Variants in SEMA7A observed in about 807,000 individuals in gnomAD.
SEMA7A encodes semaphorin 7A (JohnMiltonHagen blood group).
Under a neutral mutation model 67.5 loss-of-function variants are expected in SEMA7A, and 21 were observed. The ratio of observed to expected loss-of-function variants is 0.31; its 90% CI spans 0.22 to 0.45. The LOEUF (loss-of-function observed/expected upper bound fraction) is 0.45, where lower values mean the gene tolerates loss of function less well. Among genes scored for constraint, SEMA7A ranks in the 20% least tolerant of loss-of-function variants. The pLI is 1.00. For missense variants in SEMA7A, 774 were observed against 908.6 expected, an observed-to-expected ratio of 0.85 and a Z score of 1.90; for synonymous variants, 364 against 368.5, an observed-to-expected ratio of 0.99 and a Z score of 0.14.
In SEMA7A at chr15:74,410,515, C is replaced by T. The variant is rs2060889656; in HGVS notation, c.*109G>A. ...CATCCTCCACTGGGTTATTCTGTCC[C>T]CTGGAAGAAGTGGCAGGCAAGGAGC... On this transcript the variant is annotated 3_prime_UTR_variant, in exon 14 of 14. Coordinates refer to ENST00000261918, the MANE Select transcript of SEMA7A (RefSeq NM_003612.5). The surrounding 1 kb of genome is among the most constrained non-coding windows in gnomAD (Gnocchi z 7.5). 2 of 1,456,144 alleles carry T rather than the reference C, an allele frequency of 1.4e-6. No individual in the cohort carries two copies. Among genetic ancestry groups the T allele is most frequent in the Non-Finnish European group, 1.8e-6 (2 of 1,082,044 alleles). 90.2% of individuals were successfully genotyped at this position (1,456,144 alleles called of 1,614,324 possible). A position where few individuals can be genotyped will look rare whatever the true frequency, so the allele number is the denominator to read the frequency against.
intron 1 of SEMA7A, 123 bp from the exon 2 acceptor site, chr15:74,419,075 C>G: frequency 8.7e-7 from 1 of 1,145,850 alleles, no homozygotes; most frequent in Non-Finnish European, 1.2e-6. Context: ...GGGCGTCAGA[C>G]AAGCTCTGGG....
rs28362915 is a variant in SEMA7A at position 74,417,784 on chromosome 15, T to C, written c.465+93A>G. On this transcript the variant is annotated intron_variant, in intron 4 of 13. Coordinates refer to ENST00000261918, the MANE Select transcript of SEMA7A (RefSeq NM_003612.5). ...CCATCCTCCCAGGGCAAGGCCAGCA[T>C]TGGAGTCTCGCCATCTCCTTCCCAC... The C allele has an allele frequency of 5.8e-3, 9,043 of 1,548,842 alleles. 426 individuals carry two copies. The African/African-American group carries it at 0.11, about 18-fold the overall frequency.
chr15:74,432,852 C>A (rs531876574), intron 1 of SEMA7A, among the ~76,000 whole-genome samples: 2 of 152,146 alleles, frequency 1.3e-5, no homozygotes, highest in African/African-American at 2.4e-5. Context: ...CAGTTCCTCG[C>A]GGCAGAAAGC....
At chr15:74,421,056 G>C (rs1390731242) in intron 1 of SEMA7A, among the ~76,000 whole-genome samples, 1 of 152,244 alleles carries the variant, frequency 6.6e-6, no homozygotes, top group East Asian at 1.9e-4. Flanking sequence ...AGGGAAAAGA[G>C]GCACCAGACA....
Position 74,433,805 on chromosome 15 carries a change from C to A in SEMA7A, c.114G>T (p.Trp38Cys), listed in dbSNP as rs1407896638. Residue 38 changes from tryptophan to cysteine, a missense_variant, in exon 1 of 14, where the codon TGG becomes TGT. Physicochemically the swap from Trp to Cys is radical, Grantham distance 215. Coordinates refer to ENST00000261918, the MANE Select transcript of SEMA7A (RefSeq NM_003612.5). Reference protein sequence around the residue: ...PLRLRLLLLLWAAAASAQGHL... With the variant: ...PLRLRLLLLLCAAAASAQGHL... ...GGCCCTGGGCGGAGGCGGCGGCCGC[C>A]CAGAGCAGCAGCAGCAGCCGCAGCC... 1.4e-6 allele frequency: 2 copies of A among 1,419,058 alleles called. No homozygotes were observed. The highest frequency in any genetic ancestry group is 6.1e-5 in the East Asian group (2 of 32,664). The allele number at this position is 1,419,058 out of a possible 1,614,324, so 87.9% of individuals were successfully genotyped here. A position where few individuals can be genotyped will look rare whatever the true frequency, so the allele number is the denominator to read the frequency against.
At chr15:74,416,770 T>A (rs1042249283) in intron 6 of SEMA7A, 56 bp from the exon 7 acceptor site, 2 of 1,587,060 alleles carry the variant, frequency 1.3e-6, no homozygotes, top group African/African-American at 2.7e-5. Context: ...CGGGAGACCA[T>A]CCCAACCCTG....
chr15:74,418,083 G>A (rs1303090595), intron 3 of SEMA7A, 114 bp from the exon 4 acceptor site: 16 of 1,295,742 alleles, frequency 1.2e-5, no homozygotes, highest in Non-Finnish European at 1.7e-5. Flanking sequence ...CTTAGCATAG[G>A]TGACAGCCTC....
intron 1 of SEMA7A, among the ~76,000 whole-genome samples, chr15:74,430,209 C>T (rs1384267875): frequency 6.6e-6 from 1 of 152,106 alleles, no homozygotes; most frequent in African/African-American, 2.4e-5. Flanking sequence ...TGATCCTCAG[C>T]CTTTGGCCCA....
rs1029745130 is a variant in SEMA7A at position 74,433,879 on chromosome 15, G to T, written c.40C>A (p.Pro14Thr). ...PPPGRAAPSA[P>T]RARVPGPPAR... Reference sequence around the variant, plus strand: ...GGCGGGCCAGGGACGCGGGCGCGCGGTGCGCTGGGGGCGGCACGTCCGGGC... The same window carrying T: ...GGCGGGCCAGGGACGCGGGCGCGCGTTGCGCTGGGGGCGGCACGTCCGGGC... The change falls in exon 1 of 14, where the codon CCG becomes ACG. Residue 14 changes from proline (P) to threonine (T), a missense_variant. Pro to Thr is a conservative substitution (Grantham distance 38). Coordinates refer to ENST00000261918, the MANE Select transcript of SEMA7A (RefSeq NM_003612.5). The T allele has an allele frequency of 1.6e-6, 2 of 1,272,780 alleles. No homozygotes were observed. Among genetic ancestry groups the T allele is most frequent in the Non-Finnish European group, 2.0e-6 (2 of 1,015,038 alleles). 78.8% of individuals were successfully genotyped at this position (1,272,780 alleles called of 1,614,324 possible). A position where few individuals can be genotyped will look rare whatever the true frequency, so the allele number is the denominator to read the frequency against.
chr15:74,413,184 G>A (rs1386262835), intron 10 of SEMA7A, among the ~76,000 whole-genome samples: 1 of 151,764 alleles, frequency 6.6e-6, no homozygotes, highest in African/African-American at 2.4e-5. Flanking sequence ...CCCCACCCCA[G>A]CCACTGCCTT....
In SEMA7A at chr15:74,415,848, G is replaced by A. The variant is rs773510499; in HGVS notation, c.939C>T (p.Ser313=). The A allele has an allele frequency of 6.8e-6, 11 of 1,613,910 alleles. No individual in the cohort carries two copies. The highest frequency in any genetic ancestry group is 3.3e-5 in the South Asian group (3 of 91,078). Residue 313 remains serine (S), a synonymous_variant, in exon 8 of 14, where the codon AGC becomes AGT. Coordinates refer to ENST00000261918, the MANE Select transcript of SEMA7A (RefSeq NM_003612.5). ...AGACCCTGGTGTCCCTCCACTGGCCGCTGGGGTCAGGGAGCAGGAAGACGT... is the reference window on the plus strand; with the variant it reads ...AGACCCTGGTGTCCCTCCACTGGCCACTGGGGTCAGGGAGCAGGAAGACGT... ...LQDVFLLPDP[S]GQWRDTRVYG... is the part of the protein sequence containing the mutation.
intron 1 of SEMA7A, among the ~76,000 whole-genome samples, chr15:74,431,459 G>C (rs1374958926): frequency 6.6e-6 from 1 of 152,172 alleles, no homozygotes; most frequent in Non-Finnish European, 1.5e-5. Flanking sequence ...AGAAAATAAA[G>C]AACTTTCCAT....
Position 74,411,400 on chromosome 15 carries a change from C to A in SEMA7A, c.1578-44G>T, listed in dbSNP as rs765287860. The stretch of plus-strand genomic sequence containing the variant: ...AAGAGGATCAGCAGATACAAGGCTG[C>A]AGACCTGACCCTCCTATCCTTACCC... On this transcript the variant is annotated intron_variant, in intron 12 of 13. Transcript: ENST00000261918. The surrounding 1 kb of genome is among the most constrained non-coding windows in gnomAD (Gnocchi z 4.4). 5 of 1,604,278 alleles carry A rather than the reference C, an allele frequency of 3.1e-6. No individual in the cohort carries two copies. In the Admixed American group the frequency reaches 6.7e-5, roughly 22 times the overall value.
chr15:74,414,426 CCAGT>C lies in SEMA7A; in HGVS notation c.1294+117_1294+120del. 9.4e-7 allele frequency: 1 copy of C among 1,059,436 alleles called. No individual in the cohort carries two copies. The highest frequency in any genetic ancestry group is 1.4e-6 in the Non-Finnish European group (1 of 701,008). 65.6% of individuals were successfully genotyped at this position (1,059,436 alleles called of 1,614,324 possible). A position where few individuals can be genotyped will look rare whatever the true frequency, so the allele number is the denominator to read the frequency against. On this transcript the variant is annotated intron_variant, in intron 10 of 13. Coordinates refer to ENST00000261918, the MANE Select transcript of SEMA7A (RefSeq NM_003612.5). This position sits in a 1 kb window ranked among gnomAD's most constrained non-coding sequence, Gnocchi z 4.1. ...CCACACACATTAACCCCTGACAACTCCAGTCACTCAATTATTCCTTCCACATGTA... is the reference window on the plus strand; with the variant it reads ...CCACACACATTAACCCCTGACAACTCCACTCAATTATTCCTTCCACATGTA...
rs1331646389 is a variant in SEMA7A, at chr15:74,410,660, C to T, written c.1965G>A (p.Val655=). 3 of 1,604,610 alleles carry T rather than the reference C, an allele frequency of 1.9e-6. No individual in the cohort carries two copies. The East Asian group carries it at 6.7e-5, about 36-fold the overall frequency. The change falls in exon 14 of 14, where the codon GTG becomes GTA. Residue 655 remains valine, a synonymous_variant. Coordinates refer to ENST00000261918, the MANE Select transcript of SEMA7A (RefSeq NM_003612.5). The surrounding 1 kb of genome is among the most constrained non-coding windows in gnomAD (Gnocchi z 7.5). ...GCAAGCCAAGAGTGAGTGTGGGCAG[C>T]ACCCCCAGCCAGAGGGAGGCGGCCA... is the stretch of plus-strand genomic sequence containing the variant. ...CALAASLWLG[V]LPTLTLGLLV...
intron 3 of SEMA7A, 93 bp downstream of exon 3, chr15:74,418,174 TG>T: frequency 2.2e-6 from 3 of 1,346,364 alleles, no homozygotes; most frequent in Non-Finnish European, 3.2e-6. Flanking sequence ...CTGGGACTCG[TG>T]GGGCAGGGCC....
At chr15:74,418,978 C>T (rs1415366147) in intron 1 of SEMA7A, 26 bp from the exon 2 acceptor site, 2 of 1,607,670 alleles carry the variant, frequency 1.2e-6, no homozygotes, top group Admixed American at 1.7e-5. Context: ...TTAGTAGAAA[C>T]ATTGAAGCCA....
chr15:74,411,693 G>A lies in SEMA7A; in HGVS notation c.1440C>T (p.Ser480=). ...GCACCTGGCTCACCTCCCACTGGGA[G>A]CTCACATACAGCTTCCTCTGGAAGG... ...LDAERRKLYV[S]SQWEVSQVPL... is the part of the protein sequence containing the mutation. The change falls in exon 12 of 14, where the codon AGC becomes AGT. Residue 480 remains serine (S), a synonymous_variant. Coordinates refer to ENST00000261918, the MANE Select transcript of SEMA7A (RefSeq NM_003612.5). The surrounding 1 kb of genome is among the most constrained non-coding windows in gnomAD (Gnocchi z 4.4). 1 of 1,613,374 alleles carries A rather than the reference G, an allele frequency of 6.2e-7. No individual in the cohort carries two copies. Among genetic ancestry groups the A allele is most frequent in the Non-Finnish European group, 8.5e-7 (1 of 1,179,994 alleles).
In SEMA7A at chr15:74,418,319, G is replaced by A. The variant is rs1229649453; in HGVS notation, c.331-10C>T. ...TGGAGCCGATATTCACCTGGGGGAA[G>A]GGGAGAAGCATTAGTTCAATCTGCC... is the stretch of plus-strand genomic sequence containing the variant. On this transcript the variant is annotated splice_polypyrimidine_tract_variant and intron_variant, in intron 2 of 13. Transcript: ENST00000261918. 4.3e-6 allele frequency: 7 copies of A among 1,612,416 alleles called. No individual in the cohort carries two copies. In the Admixed American group the frequency reaches 5.0e-5, roughly 12 times the overall value.
Sources: gnomAD v4.1 joint callset for allele counts (sites outside exome capture counted in the v4.1 genomes callset) on GRCh38, gnomAD v4.1.1 for gene constraint, Gnocchi (gnomAD v3.1) non-coding constraint, MANE v1.5 for transcripts, NCBI Gene and HGNC (gene_info 2026-07-23, HGNC 2026-07-21) for gene names.